The following CHRNA7 variants were observed in gnomAD, a reference collection of about 807,000 sequenced individuals.
CHRNA7 encodes neuronal acetylcholine receptor subunit alpha-7.
Under a neutral mutation model 48.0 loss-of-function variants are expected in CHRNA7, and 17 were observed. The ratio of observed to expected loss-of-function variants is 0.35; its 90% CI spans 0.24 to 0.53. The LOEUF is 0.53. CHRNA7 is among the 20% of genes least tolerant of loss of function. CHRNA7 has a pLI of 0.92. For synonymous variants in CHRNA7, 75 were observed against 242.3 expected, an observed-to-expected ratio of 0.31 and a Z score of 6.41; for missense variants, 155 against 577.7, an observed-to-expected ratio of 0.27 and a Z score of 7.50.
intron 2 of CHRNA7, among the ~76,000 whole-genome samples, chr15:32,070,601 CA>C (rs2050038687): frequency 7.0e-6 from 1 of 141,898 alleles, no homozygotes; most frequent in Non-Finnish European, 1.5e-5. Context: ...TATAGTTTAA[CA>C]TTCACATTTA....
At chr15:32,127,203 AACT>A (rs1361383604) in intron 4 of CHRNA7, among the ~76,000 whole-genome samples, 1 of 152,190 alleles carries the variant, frequency 6.6e-6, no homozygotes, top group Admixed American at 6.5e-5. Context: ...CAATTTGTGT[AACT>A]ATTAATCCAT....
In CHRNA7 at chr15:32,108,346, C is replaced by G. The variant is rs111798196; in HGVS notation, c.241-3444C>G. On this transcript the variant is annotated intron_variant, in intron 3 of 9. Coordinates refer to ENST00000306901, the MANE Select transcript of CHRNA7 (RefSeq NM_000746.6). ...GGAGGGAGAGAAGGAAGAGCACACA[C>G]TCCTCTAAATGTGATTGTCTGGGAG... Among the ~76,000 whole-genome samples, 24 of 152,312 alleles carry G rather than the reference C, an allele frequency of 1.6e-4. No individual in the cohort carries two copies. The South Asian group carries it at 2.3e-3, about 14-fold the overall frequency.
chr15:32,145,468 T>C (rs1177245788), intron 4 of CHRNA7, among the ~76,000 whole-genome samples: 1 of 152,122 alleles, frequency 6.6e-6, no homozygotes, highest in East Asian at 1.9e-4. Context: ...CAGACAGAGA[T>C]GTTTAAGTCT....
chr15:32,092,892 A>G (rs1371468721), intron 2 of CHRNA7, among the ~76,000 whole-genome samples: 1 of 152,100 alleles, frequency 6.6e-6, no homozygotes, highest in Non-Finnish European at 1.5e-5. Flanking sequence ...CCCAATTGTG[A>G]TGAGATTTGT....
intron 2 of CHRNA7, among the ~76,000 whole-genome samples, chr15:32,064,100 A>G (rs1310749245): frequency 6.6e-6 from 1 of 152,172 alleles, no homozygotes; most frequent in Non-Finnish European, 1.5e-5. Flanking sequence ...CCAATGTTCC[A>G]GTTCCCAATA....
At chr15:32,030,873 C>T (rs537473263) in intron 1 of CHRNA7, 25 bp from the exon 2 acceptor site, 2 of 1,611,350 alleles carry the variant, frequency 1.2e-6, no homozygotes, top group African/African-American at 2.7e-5. Flanking sequence ...CCCTGAGCCC[C>T]CTGCCCGGGT....
intron 2 of CHRNA7, among the ~76,000 whole-genome samples, chr15:32,082,805 G>A (rs2050236600): frequency 1.3e-5 from 2 of 152,056 alleles, no homozygotes; most frequent in South Asian, 4.2e-4. Context: ...TTTTGTTAAT[G>A]ATCACTGTTT....
Position 32,089,313 on chromosome 15 carries a change from T to C in CHRNA7, c.196-11990T>C, listed in dbSNP as rs150348216. 3.7e-3 allele frequency among the ~76,000 whole-genome samples: 567 copies of C among 152,308 alleles called. 4 individuals are homozygous for C. The highest frequency in any genetic ancestry group is 0.013 in the African/African-American group (533 of 41,572). ...CCACAATTTTTGGATAATCTGTTTTTTTTTTCTTTTTGCAATTCAGTTTTG... is the reference window on the plus strand; with the variant it reads ...CCACAATTTTTGGATAATCTGTTTTCTTTTTCTTTTTGCAATTCAGTTTTG... On this transcript the variant is annotated intron_variant, in intron 2 of 9. Coordinates refer to ENST00000306901, the MANE Select transcript of CHRNA7 (RefSeq NM_000746.6).
chr15:32,148,247 C>T (rs1270521996), intron 4 of CHRNA7, among the ~76,000 whole-genome samples: 2 of 152,168 alleles, frequency 1.3e-5, no homozygotes, highest in Admixed American at 1.3e-4. Context: ...AATGCAGAGG[C>T]TCATTCTGGT....
At position 32,149,754 on chromosome 15, in the gene CHRNA7, A is replaced by G. The variant is rs1441602646; in HGVS notation, c.351-4153A>G. 2.0e-5 allele frequency among the ~76,000 whole-genome samples: 3 copies of G among 152,154 alleles called. No homozygotes were observed. Among genetic ancestry groups the G allele is most frequent in the African/African-American group, 7.2e-5 (3 of 41,448 alleles). ...ACTGAGTCACAAATCACTGAGTCAC[A>G]GGTAAGCTGTTGCTAATAGCAACAG... On this transcript the variant is annotated intron_variant, in intron 4 of 9. Coordinates refer to ENST00000306901, the MANE Select transcript of CHRNA7 (RefSeq NM_000746.6). The surrounding 1 kb of genome is among the most constrained non-coding windows in gnomAD (Gnocchi z 4.6).
intron 2 of CHRNA7, among the ~76,000 whole-genome samples, chr15:32,062,516 C>T (rs993123756): frequency 3.9e-5 from 6 of 152,154 alleles, no homozygotes; most frequent in African/African-American, 9.7e-5. Context: ...TGTTCAGACA[C>T]GTGGATCTGT....
chr15:32,154,668 G>T (rs2051698753), intron 5 of CHRNA7, among the ~76,000 whole-genome samples: 1 of 33,448 alleles, frequency 3.0e-5, no homozygotes, highest in South Asian at 2.1e-3. Flanking sequence ...TGGGGTTTTT[G>T]ATCTTTTAGA....
chr15:32,143,977 A>T (rs1397766546), intron 4 of CHRNA7, among the ~76,000 whole-genome samples: 1 of 152,052 alleles, frequency 6.6e-6, no homozygotes, highest in Non-Finnish European at 1.5e-5. Context: ...CTAGCTGATT[A>T]TTTTGCCTGT....
intron 2 of CHRNA7, among the ~76,000 whole-genome samples, chr15:32,068,767 G>A (rs1038795234): frequency 1.3e-5 from 2 of 151,774 alleles, no homozygotes; most frequent in South Asian, 2.1e-4. Context: ...ACTAAAAAGA[G>A]CATTTCATTG....
At chr15:32,130,890 G>A (rs941465744) in intron 4 of CHRNA7, among the ~76,000 whole-genome samples, 1 of 151,892 alleles carries the variant, frequency 6.6e-6, no homozygotes, top group Non-Finnish European at 1.5e-5. Flanking sequence ...ATCTGAAAAT[G>A]TCTTGACATT....
intron 4 of CHRNA7, among the ~76,000 whole-genome samples, chr15:32,114,103 T>C (rs555428217): frequency 5.1e-4 from 72 of 141,506 alleles, no homozygotes; most frequent in African/African-American, 1.7e-3. Flanking sequence ...CACACACATA[T>C]ACACACACAC....
At chr15:32,043,966 T>G (rs1030455191) in intron 2 of CHRNA7, among the ~76,000 whole-genome samples, 3 of 152,194 alleles carry the variant, frequency 2.0e-5, no homozygotes, top group Non-Finnish European at 2.9e-5. Context: ...TTACAGCACT[T>G]TTATATACAG....
At position 32,166,247 on chromosome 15, in the gene CHRNA7, G is replaced by C. The variant is rs1348611186; in HGVS notation, c.991-1693G>C. On this transcript the variant is annotated intron_variant, in intron 9 of 9. Coordinates refer to ENST00000306901, the MANE Select transcript of CHRNA7 (RefSeq NM_000746.6). Reference sequence around the variant, plus strand: ...GTGAGGGGATTATACTCATTTCACCGGACCCTGAAAGGCCCAAGTGAGATG... The same window carrying C: ...GTGAGGGGATTATACTCATTTCACCCGACCCTGAAAGGCCCAAGTGAGATG... 10 of 152,380 alleles carry C rather than the reference G, an allele frequency of 6.6e-5. No homozygotes were observed. The East Asian group carries it at 1.9e-3, about 29-fold the overall frequency. The allele number at this position is 152,380 out of a possible 1,614,324, so 9.4% of individuals were successfully genotyped here. A position where few individuals can be genotyped will look rare whatever the true frequency, so the allele number is the denominator to read the frequency against.
intron 4 of CHRNA7, among the ~76,000 whole-genome samples, chr15:32,114,344 A>G (rs376394442): frequency 1.3e-5 from 2 of 152,132 alleles, no homozygotes; most frequent in Non-Finnish European, 1.5e-5. Flanking sequence ...GCAAAGATAG[A>G]GCAGTCTCTA....
Sources: gnomAD v4.1 joint callset for allele counts (sites outside exome capture counted in the v4.1 genomes callset) on GRCh38, gnomAD v4.1.1 for gene constraint, Gnocchi (gnomAD v3.1) non-coding constraint, MANE v1.5 for transcripts, NCBI Gene and HGNC (gene_info 2026-07-23, HGNC 2026-07-21) for gene names.